The following SGCD variants were observed in gnomAD, a reference collection of about 807,000 sequenced individuals.
The protein encoded by SGCD is sarcoglycan delta.
A neutral mutation model predicts 36.6 loss-of-function variants in SGCD; 18 were observed. That is an observed-to-expected ratio of 0.49 (90% confidence interval 0.34 to 0.73). The LOEUF is 0.73. Ranked by LOEUF, SGCD falls within the 30% of genes least tolerant of loss-of-function variation. The probability of loss-of-function intolerance (pLI) is 0.01; values close to 1 mark genes in which losing one functional copy is unlikely to be tolerated. For synonymous variants in SGCD, 133 were observed against 130.6 expected, an observed-to-expected ratio of 1.02 and a Z score of -0.12; for missense variants, 387 against 346.7, an observed-to-expected ratio of 1.12 and a Z score of -0.92.
chr5:156,680,153 A>C (rs964157141), intron 7 of SGCD, among the ~76,000 whole-genome samples: 6 of 152,264 alleles, frequency 3.9e-5, no homozygotes, highest in African/African-American at 1.2e-4. Flanking sequence ...TGGCCTTTGG[A>C]TATTAGCTGG....
intron 3 of SGCD, among the ~76,000 whole-genome samples, chr5:156,430,481 T>C (rs551113042): frequency 6.6e-6 from 1 of 152,230 alleles, no homozygotes; most frequent in Admixed American, 6.5e-5. Context: ...GAATTCTTTA[T>C]TGGAAATTCA....
chr5:156,030,872 T>G (rs1205961370), intron 1 of SGCD, among the ~76,000 whole-genome samples: 2 of 152,130 alleles, frequency 1.3e-5, no homozygotes, highest in Non-Finnish European at 2.9e-5. Context: ...ACATAGAATA[T>G]ACCATGGACT....
chr5:156,073,118 A>G (rs1470600395), intron 1 of SGCD, among the ~76,000 whole-genome samples: 1 of 152,164 alleles, frequency 6.6e-6, no homozygotes, highest in Admixed American at 6.6e-5. Flanking sequence ...TCTGAAGAGA[A>G]TATGGCCATT....
At chr5:156,266,506 TG>T (rs1222280154) in intron 3 of SGCD, among the ~76,000 whole-genome samples, 1 of 152,230 alleles carries the variant, frequency 6.6e-6, no homozygotes, top group Non-Finnish European at 1.5e-5. Context: ...ATTTTGTAGA[TG>T]GAGTCTCATT....
chr5:155,923,770 G>T (rs1756937203), intron 1 of SGCD, among the ~76,000 whole-genome samples: 1 of 152,172 alleles, frequency 6.6e-6, no homozygotes, highest in Admixed American at 6.5e-5. Context: ...TGAACATTTT[G>T]TGTTTTTCGC....
chr5:155,886,735 G>T (rs1376877420), intron 1 of SGCD, among the ~76,000 whole-genome samples: 1 of 152,254 alleles, frequency 6.6e-6, no homozygotes, highest in Non-Finnish European at 1.5e-5. Flanking sequence ...GAATTTATCA[G>T]TCAAGCTTCT....
chr5:155,972,656 C>G (rs1286849033), intron 1 of SGCD, among the ~76,000 whole-genome samples: 2 of 152,124 alleles, frequency 1.3e-5, no homozygotes, highest in African/African-American at 4.8e-5. Flanking sequence ...CAATTAAAAT[C>G]TTACAAAAAT....
intron 1 of SGCD, among the ~76,000 whole-genome samples, chr5:156,044,261 T>G (rs1759710316): frequency 6.6e-6 from 1 of 152,170 alleles, no homozygotes; most frequent in South Asian, 2.1e-4. Flanking sequence ...GCACATTAGA[T>G]GCTCAACAAA....
At chr5:155,960,360 T>A (rs1323050355) in intron 1 of SGCD, among the ~76,000 whole-genome samples, 2 of 152,044 alleles carry the variant, frequency 1.3e-5, no homozygotes, top group African/African-American at 4.8e-5. Flanking sequence ...ACCCACATCA[T>A]GAGTAGGAGG....
At chr5:155,854,251 T>C in the SGCD span, among the ~76,000 whole-genome samples, 1 of 152,106 alleles carries the variant, frequency 6.6e-6, no homozygotes, top group East Asian at 1.9e-4. Flanking sequence ...GAAGCACCTT[T>C]TTTTCCACCA....
chr5:155,966,646 A>G (rs1478275130), intron 1 of SGCD, among the ~76,000 whole-genome samples: 1 of 152,100 alleles, frequency 6.6e-6, no homozygotes, highest in Non-Finnish European at 1.5e-5. Context: ...TGAGTGATGT[A>G]ACCTCTCTGA....
chr5:156,529,809 C>T (rs116840398), intron 4 of SGCD, among the ~76,000 whole-genome samples: 3,161 of 152,290 alleles, frequency 0.021, 37 homozygotes, highest in Non-Finnish European at 0.029. Flanking sequence ...TGATGCAGCA[C>T]TCTATAAATT....
intron 3 of SGCD, among the ~76,000 whole-genome samples, chr5:156,297,131 T>G (rs186267577): frequency 6.6e-6 from 1 of 152,186 alleles, no homozygotes; most frequent in African/African-American, 2.4e-5. Flanking sequence ...CTCAAGAATT[T>G]ATCATTTATT....
At chr5:156,531,531 G>A (rs780562312) in intron 4 of SGCD, among the ~76,000 whole-genome samples, 1 of 152,128 alleles carries the variant, frequency 6.6e-6, no homozygotes, top group Non-Finnish European at 1.5e-5. Flanking sequence ...AAAGACACTG[G>A]AAAGTCTTTT....
chr5:156,635,891 G>C (rs189890860), intron 6 of SGCD, among the ~76,000 whole-genome samples: 9 of 151,430 alleles, frequency 5.9e-5, no homozygotes, highest in Non-Finnish European at 1.3e-4. Context: ...GTTGTGGGGT[G>C]GGGGGAGGCG....
At chr5:156,489,415 G>A (rs993314825) in intron 3 of SGCD, among the ~76,000 whole-genome samples, 3 of 151,998 alleles carry the variant, frequency 2.0e-5, no homozygotes, top group African/African-American at 7.2e-5. Flanking sequence ...CAACAACTGG[G>A]TAATGCACAT....
intron 3 of SGCD, among the ~76,000 whole-genome samples, chr5:156,463,688 G>C (rs1408656812): frequency 6.6e-6 from 1 of 152,036 alleles, no homozygotes; most frequent in Non-Finnish European, 1.5e-5. Context: ...ACTCCAGATG[G>C]GTGTGATAAA....
intron 3 of SGCD, among the ~76,000 whole-genome samples, chr5:156,472,635 C>T (rs1403294317): frequency 3.3e-5 from 5 of 152,144 alleles, no homozygotes; most frequent in African/African-American, 4.8e-5. Flanking sequence ...CCAGGCTGGT[C>T]TCGAACTCCT....
At chr5:156,615,969 G>T (rs1762005311) in intron 6 of SGCD, among the ~76,000 whole-genome samples, 1 of 152,126 alleles carries the variant, frequency 6.6e-6, no homozygotes, top group Non-Finnish European at 1.5e-5. Flanking sequence ...TATCATTCGG[G>T]TCTCACTTGG....
Sources: allele counts gnomAD v4.1 joint callset (sites outside exome capture counted in the v4.1 genomes callset), GRCh38; gene constraint gnomAD v4.1.1; transcripts MANE v1.5; gene names NCBI Gene and HGNC (gene_info 2026-07-23, HGNC 2026-07-21).